ACSBG1: variants seen among roughly 807,000 people sequenced by gnomAD.
The protein encoded by ACSBG1 is long-chain-fatty-acid--CoA ligase ACSBG1.
In ACSBG1, 39 loss-of-function variants were observed where a neutral mutation model predicts 80.2. That is an observed-to-expected ratio of 0.49 (90% CI 0.38 to 0.64). The LOEUF is 0.64. Ranked by LOEUF, ACSBG1 falls within the 30% of genes least tolerant of loss-of-function variation. ACSBG1 has a pLI of 0.00. For missense variants in ACSBG1, 828 were observed against 966.4 expected, an observed-to-expected ratio of 0.86 and a Z score of 1.90; for synonymous variants, 392 against 379.5, an observed-to-expected ratio of 1.03 and a Z score of -0.38.
rs1036706055 is a variant in ACSBG1 at position 78,169,160 on chromosome 15, C to T, written c.*2284G>A. ...CTTAACAAAATCTGTGCAAAAGATGCAGGTGGATGTCCCTAGGTCTGTTTT... is the reference window on the plus strand; with the variant it reads ...CTTAACAAAATCTGTGCAAAAGATGTAGGTGGATGTCCCTAGGTCTGTTTT... On this transcript the variant is annotated 3_prime_UTR_variant, in exon 14 of 14. Transcript: ENST00000258873. 4 of 471,950 alleles carry T rather than the reference C, an allele frequency of 8.5e-6. No individual in the cohort carries two copies. The highest frequency in any genetic ancestry group is 5.9e-5 in the African/African-American group (3 of 50,982). The allele number at this position is 471,950 out of a possible 1,614,324, so 29.2% of individuals were successfully genotyped here. A position where few individuals can be genotyped will look rare whatever the true frequency, so the allele number is the denominator to read the frequency against.
rs1400497228 is a variant in ACSBG1 at position 78,179,663 on chromosome 15, T to A, written c.1371A>T (p.Ala457=). 8 of 1,614,186 alleles carry A rather than the reference T, an allele frequency of 5.0e-6. No homozygotes were observed. Among genetic ancestry groups the A allele is most frequent in the Non-Finnish European group, 5.9e-6 (7 of 1,180,024 alleles). The change falls in exon 10 of 14, where the codon GCA becomes GCT. Residue 457 remains alanine, a synonymous_variant. Transcript: ENST00000258873. ...GACCCAGGAAGAAGTGCTGTGTCTC[T>A]GCCATCATGGGGGCCGCTCCATAGA... ...KNFYGAAPMM[A]ETQHFFLGLN...
rs1369734775 is a variant in ACSBG1, at chr15:78,168,083, A to T, written c.*3361T>A. The T allele has an allele frequency of 6.6e-6, 1 of 152,136 alleles. No individual in the cohort carries two copies. The highest frequency in any genetic ancestry group is 1.5e-5 in the Non-Finnish European group (1 of 68,034). 9.4% of individuals were successfully genotyped at this position (152,136 alleles called of 1,614,324 possible). A position where few individuals can be genotyped will look rare whatever the true frequency, so the allele number is the denominator to read the frequency against. On this transcript the variant is annotated 3_prime_UTR_variant, in exon 14 of 14. Coordinates refer to ENST00000258873, the MANE Select transcript of ACSBG1 (RefSeq NM_015162.5). ...CAGGAAAGAAAGGATAAGCTGGTAG[A>T]ACAGATCAGTTGTATGGGAGGCTTT...
At chr15:78,188,495 G>C (rs1273569471) in intron 5 of ACSBG1, among the ~76,000 whole-genome samples, 1 of 149,222 alleles carries the variant, frequency 6.7e-6, no homozygotes, top group East Asian at 2.0e-4. Context: ...CAATGGAACA[G>C]AACAGAGCCC....
In ACSBG1 at chr15:78,178,706, C is replaced by G. The variant is rs772450975; in HGVS notation, c.1610G>C (p.Cys537Ser). 8 of 1,614,128 alleles carry G rather than the reference C, an allele frequency of 5.0e-6. No individual in the cohort carries two copies. Among genetic ancestry groups the G allele is most frequent in the Non-Finnish European group, 5.9e-6 (7 of 1,180,010 alleles). The change falls in exon 11 of 14, where the codon TGT (cysteine) becomes TCT (serine). Residue 537 changes from cysteine to serine, a missense_variant. Cys to Ser is a moderately radical substitution (Grantham distance 112, BLOSUM62 -1). Transcript: ENST00000258873. This position sits in a 1 kb window ranked among gnomAD's most constrained non-coding sequence, Gnocchi z 4.3. ...CCAGCCTTCCTCGTCGATGGCCTCACAAGTCTTGTCCTCCATGTTCAGGTA... is the reference window on the plus strand; with the variant it reads ...CCAGCCTTCCTCGTCGATGGCCTCAGAAGTCTTGTCCTCCATGTTCAGGTA... ...MGYLNMEDKT[C>S]EAIDEEGWLH...
At chr15:78,224,377 C>T (rs1413357039) in intron 1 of ACSBG1, among the ~76,000 whole-genome samples, 1 of 152,150 alleles carries the variant, frequency 6.6e-6, no homozygotes, top group Non-Finnish European at 1.5e-5. Flanking sequence ...ATTTGTTAAG[C>T]AGCAATAGAT....
intron 1 of ACSBG1, among the ~76,000 whole-genome samples, chr15:78,221,606 G>A (rs530864107): frequency 6.6e-6 from 1 of 152,186 alleles, no homozygotes; most frequent in South Asian, 2.1e-4. Context: ...AACCTCCTCA[G>A]CACAGACCCC....
intron 1 of ACSBG1, among the ~76,000 whole-genome samples, chr15:78,227,392 A>C (rs2075413639): frequency 6.6e-6 from 1 of 152,160 alleles, no homozygotes; most frequent in African/African-American, 2.4e-5. Context: ...AAATGAGCTA[A>C]AGATTTGAAA....
intron 2 of ACSBG1, among the ~76,000 whole-genome samples, chr15:78,204,576 C>A (rs552096113): frequency 6.6e-6 from 1 of 152,324 alleles, no homozygotes; most frequent in East Asian, 1.9e-4. Context: ...CTGAGGACCC[C>A]CAGAGGTTCC....
At chr15:78,201,725 GAA>G (rs765312484) in intron 2 of ACSBG1, among the ~76,000 whole-genome samples, 1 of 152,222 alleles carries the variant, frequency 6.6e-6, no homozygotes, top group Non-Finnish European at 1.5e-5. Context: ...TATAGAAGAA[GAA>G]GTCTCTGGAC....
At chr15:78,174,710 C>G (rs2074865848) in intron 11 of ACSBG1, 186 bp from the exon 12 acceptor site, 1 of 635,176 alleles carries the variant, frequency 1.6e-6, no homozygotes, top group Non-Finnish European at 2.6e-6. Context: ...GGTGGCAGCA[C>G]CCCGACGACA....
At chr15:78,193,873 C>T in intron 4 of ACSBG1, 59 bp downstream of exon 4, 1 of 1,584,958 alleles carries the variant, frequency 6.3e-7, no homozygotes, top group African/African-American at 1.3e-5. Context: ...AAGGACCCTC[C>T]CCTACCCTCT....
At chr15:78,231,350 C>T (rs1216616689) in intron 1 of ACSBG1, among the ~76,000 whole-genome samples, 2 of 151,416 alleles carry the variant, frequency 1.3e-5, no homozygotes, top group Non-Finnish European at 1.5e-5. Flanking sequence ...AGGCTGGTCT[C>T]GAACTCCTGA....
intron 1 of ACSBG1, chr15:78,209,364 G>A (rs1168168604): frequency 9.4e-6 from 4 of 426,138 alleles, no homozygotes; most frequent in African/African-American, 2.0e-5. Context: ...TTGTGAGCAA[G>A]GCCTGGGCCA....
In ACSBG1 at chr15:78,182,799, A is replaced by C; in HGVS notation, c.664-14T>G. 1 of 1,613,250 alleles carries C rather than the reference A, an allele frequency of 6.2e-7. No individual in the cohort carries two copies. On this transcript the variant is annotated splice_polypyrimidine_tract_variant and intron_variant, in intron 5 of 13. Coordinates refer to ENST00000258873, the MANE Select transcript of ACSBG1 (RefSeq NM_015162.5). The stretch of plus-strand genomic sequence containing the variant: ...CTGTTTCCAGATCTGCATTGACAGG[A>C]AAAATAGATCAGGTTTCAGTAAGAG...
chr15:78,209,341 G>A (rs1013298026), intron 1 of ACSBG1: 1 of 439,460 alleles, frequency 2.3e-6, no homozygotes. Flanking sequence ...AGGTGGCGCC[G>A]TTCTTGCGAA....
intron 2 of ACSBG1, among the ~76,000 whole-genome samples, chr15:78,203,665 A>T (rs903322531): frequency 1.3e-5 from 2 of 152,238 alleles, no homozygotes; most frequent in African/African-American, 4.8e-5. Flanking sequence ...TAAAGAGCAA[A>T]GGCAGTCACT....
At chr15:78,215,370 A>G (rs1185357476) in intron 1 of ACSBG1, among the ~76,000 whole-genome samples, 2 of 152,208 alleles carry the variant, frequency 1.3e-5, no homozygotes, top group East Asian at 1.9e-4. Flanking sequence ...GAAAACCTCA[A>G]CAGTGGCCAG....
chr15:78,199,658 C>CTT (rs1221257567), intron 2 of ACSBG1, among the ~76,000 whole-genome samples: 48 of 138,276 alleles, frequency 3.5e-4, no homozygotes, highest in African/African-American at 9.0e-4. Flanking sequence ...CCATTCCCAG[C>CTT]TTTTTTTTTT....
At chr15:78,179,815 T>TCACACA (rs58848105) in intron 9 of ACSBG1, 35 bp from the exon 10 acceptor site, 81,646 of 926,170 alleles carry the variant, frequency 0.088, 1,483 homozygotes, top group Non-Finnish European at 0.1. Flanking sequence ...ACAGAAGAAA[T>TCACACA]CACACACACA....
Sources: allele counts gnomAD v4.1 joint callset (sites outside exome capture counted in the v4.1 genomes callset), GRCh38; gene constraint gnomAD v4.1.1; non-coding constraint Gnocchi (gnomAD v3.1); transcripts MANE v1.5; gene names NCBI Gene and HGNC (gene_info 2026-07-23, HGNC 2026-07-21).